The following LRRC4C variants were observed in gnomAD, a reference collection of about 807,000 sequenced individuals.
LRRC4C encodes leucine-rich repeat-containing protein 4C.
In LRRC4C, 5 loss-of-function variants were observed where a neutral mutation model predicts 33.6. The ratio of observed to expected loss-of-function variants is 0.15; its 90% confidence interval spans 0.08 to 0.31. The LOEUF (loss-of-function observed/expected upper bound fraction) is 0.31, where lower values mean the gene tolerates loss of function less well. Ranked by LOEUF, LRRC4C falls within the 10% of genes least tolerant of loss-of-function variation. LRRC4C has a pLI of 1.00. For synonymous variants in LRRC4C, 329 were observed against 302.0 expected (o/e 1.09, Z -0.93); for missense variants, 560 against 796.7 (o/e 0.70, Z 3.58).
chr11:40,143,803 T>C (rs1371555201), intron 5 of LRRC4C, among the ~76,000 whole-genome samples: 1 of 152,168 alleles, frequency 6.6e-6, no homozygotes, highest in Non-Finnish European at 1.5e-5. Context: ...GTTTTCTGTC[T>C]CCTCCAACTA....
chr11:40,376,811 CT>C (rs1159831674), intron 3 of LRRC4C, among the ~76,000 whole-genome samples: 1 of 151,792 alleles, frequency 6.6e-6, no homozygotes, highest in Non-Finnish European at 1.5e-5. Flanking sequence ...GGTCCGTATC[CT>C]TAGACTAGCC....
At chr11:41,076,990 G>A (rs1333212527) in intron 1 of LRRC4C, among the ~76,000 whole-genome samples, 1 of 152,178 alleles carries the variant, frequency 6.6e-6, no homozygotes, top group Non-Finnish European at 1.5e-5. Flanking sequence ...ACCAGGCCGG[G>A]CAGTCATTAA....
intron 4 of LRRC4C, among the ~76,000 whole-genome samples, chr11:40,315,614 C>T: frequency 6.6e-6 from 1 of 151,840 alleles, no homozygotes; most frequent in African/African-American, 2.4e-5. Context: ...AACTATATAA[C>T]ACAGTCTATT....
At chr11:40,745,360 G>C (rs1472913802) in intron 2 of LRRC4C, among the ~76,000 whole-genome samples, 1 of 152,160 alleles carries the variant, frequency 6.6e-6, no homozygotes, top group Non-Finnish European at 1.5e-5. Context: ...GACAATGAGA[G>C]AGAAAGTTAA....
chr11:40,979,065 C>G (rs921849085), intron 1 of LRRC4C, among the ~76,000 whole-genome samples: 1 of 152,144 alleles, frequency 6.6e-6, no homozygotes, highest in African/African-American at 2.4e-5. Context: ...CCCCTCTGAC[C>G]TGTAACCCTT....
chr11:41,312,142 A>G lies in LRRC4C; in HGVS notation c.-496+147289T>C, dbSNP rs112171209. Reference sequence around the variant, plus strand: ...AGTGGATGACCAAAAAGGAGAAAGAAACCAGGAATTAGCCAGTTTGATTAT... The same window carrying G: ...AGTGGATGACCAAAAAGGAGAAAGAGACCAGGAATTAGCCAGTTTGATTAT... On this transcript the variant is annotated intron_variant, in intron 1 of 6. Transcript: ENST00000528697. Among the ~76,000 whole-genome samples, 736 of 152,218 alleles carry G rather than the reference A, an allele frequency of 4.8e-3. 4 individuals carry two copies. Among genetic ancestry groups the G allele is most frequent in the African/African-American group, 0.016 (654 of 41,564 alleles).
chr11:41,294,786 C>T (rs1950091301), intron 1 of LRRC4C, among the ~76,000 whole-genome samples: 1 of 152,088 alleles, frequency 6.6e-6, no homozygotes, highest in Non-Finnish European at 1.5e-5. Context: ...AGGGAATTAA[C>T]AAGGATAAGG....
chr11:40,980,086 G>T (rs1852404645), intron 1 of LRRC4C, among the ~76,000 whole-genome samples: 1 of 152,074 alleles, frequency 6.6e-6, no homozygotes, highest in African/African-American at 2.4e-5. Flanking sequence ...CATAAATTTA[G>T]CTCACAAAGC....
intron 3 of LRRC4C, among the ~76,000 whole-genome samples, chr11:40,353,239 A>T (rs1042365863): frequency 1.3e-5 from 2 of 151,286 alleles, no homozygotes; most frequent in Non-Finnish European, 2.9e-5. Flanking sequence ...TATTTTCTAG[A>T]TTTTTGTAGT....
chr11:40,536,607 G>A (rs542899055), intron 3 of LRRC4C, among the ~76,000 whole-genome samples: 2 of 152,190 alleles, frequency 1.3e-5, no homozygotes, highest in Admixed American at 1.3e-4. Flanking sequence ...TCAACTGGCC[G>A]CATGGCTTCC....
intron 4 of LRRC4C, among the ~76,000 whole-genome samples, chr11:40,261,869 T>TA (rs2136266547): frequency 6.6e-6 from 1 of 152,124 alleles, no homozygotes; most frequent in South Asian, 2.1e-4. Context: ...CGTAAAACCA[T>TA]AAAAACCCTA....
chr11:40,234,015 A>T (rs1466658874), intron 5 of LRRC4C, among the ~76,000 whole-genome samples: 3 of 152,248 alleles, frequency 2.0e-5, no homozygotes, highest in Admixed American at 6.5e-5. Flanking sequence ...ATATATGAAC[A>T]AAGTGAGGCA....
At chr11:40,656,806 A>C (rs1443386041) in intron 2 of LRRC4C, among the ~76,000 whole-genome samples, 1 of 152,256 alleles carries the variant, frequency 6.6e-6, no homozygotes, top group African/African-American at 2.4e-5. Context: ...AAATATCCAT[A>C]TACCACAAGG....
At chr11:40,661,538 T>C (rs1943435513) in intron 2 of LRRC4C, among the ~76,000 whole-genome samples, 1 of 152,232 alleles carries the variant, frequency 6.6e-6, no homozygotes, top group Non-Finnish European at 1.5e-5. Context: ...AACTCCAAAC[T>C]GTCAATCACT....
chr11:40,814,849 C>T (rs955667468), intron 2 of LRRC4C, among the ~76,000 whole-genome samples: 1 of 151,914 alleles, frequency 6.6e-6, no homozygotes, highest in Non-Finnish European at 1.5e-5. Context: ...CATCTGAGAC[C>T]ACTTCAACCT....
At position 40,172,396 on chromosome 11, in the gene LRRC4C, C is replaced by A. The variant is rs535141924; in HGVS notation, c.-95-31543G>T. Among the ~76,000 whole-genome samples, 3 of 152,314 alleles carry A rather than the reference C, an allele frequency of 2.0e-5. No individual in the cohort carries two copies. In the South Asian group the frequency reaches 6.2e-4, roughly 32 times the overall value. The stretch of plus-strand genomic sequence containing the variant: ...TCACTATCCTGTCCCCACAGAACAG[C>A]CAGAATGGTTTTTGAAAAGTCAATC... On this transcript the variant is annotated intron_variant, in intron 5 of 6. Coordinates refer to ENST00000528697, the MANE Select transcript of LRRC4C (RefSeq NM_001258419.2).
intron 2 of LRRC4C, among the ~76,000 whole-genome samples, chr11:40,772,993 T>C (rs1343260937): frequency 1.3e-5 from 2 of 152,202 alleles, no homozygotes; most frequent in Non-Finnish European, 2.9e-5. Flanking sequence ...ATGTGGCACA[T>C]ATACACAATG....
intron 2 of LRRC4C, among the ~76,000 whole-genome samples, chr11:40,831,542 T>A (rs1487713535): frequency 6.6e-6 from 1 of 152,172 alleles, no homozygotes. Context: ...CAATATTAAA[T>A]TGTGAGTACA....
chr11:41,185,891 GTAAAT>G (rs1165714362), intron 1 of LRRC4C, among the ~76,000 whole-genome samples: 2 of 151,834 alleles, frequency 1.3e-5, no homozygotes, highest in South Asian at 2.1e-4. Context: ...AAAAAAAGAT[GTAAAT>G]TAAATTAAAA....
Sources: allele counts gnomAD v4.1 joint callset (sites outside exome capture counted in the v4.1 genomes callset), GRCh38; gene constraint gnomAD v4.1.1; transcripts MANE v1.5; gene names NCBI Gene and HGNC (gene_info 2026-07-23, HGNC 2026-07-21).